ESRRG: variants seen among roughly 807,000 people sequenced by gnomAD.
ESRRG encodes estrogen-related receptor gamma.
ESRRG carries 13 observed loss-of-function variants against 44.0 expected under a neutral mutation model. The ratio of observed to expected loss-of-function variants is 0.30; its 90% CI spans 0.19 to 0.47. The LOEUF is 0.47. ESRRG is among the 20% of genes least tolerant of loss of function. The pLI is 1.00. For synonymous variants in ESRRG, 215 were observed against 214.6 expected (o/e 1.00, Z -0.02); for missense variants, 395 against 580.6 (o/e 0.68, Z 3.29).
chr1:216,943,570 A>C (rs1578459406), intron 1 of ESRRG, among the ~76,000 whole-genome samples: 1 of 152,328 alleles, frequency 6.6e-6, no homozygotes, highest in African/African-American at 2.4e-5. Context: ...TTTGAATTCC[A>C]AAACCTTAGG....
intron 5 of ESRRG, among the ~76,000 whole-genome samples, chr1:216,541,596 GTGTGTGTGTGT>G (rs1558372906): frequency 1.1e-3 from 155 of 143,188 alleles, no homozygotes; most frequent in African/African-American, 3.9e-3. Context: ...GTGTGTGTGT[GTGTGTGTGTGT>G]ATGTGATCAG....
chr1:216,690,587 CTTG>C (rs961767375), intron 1 of ESRRG, among the ~76,000 whole-genome samples: 10 of 152,138 alleles, frequency 6.6e-5, no homozygotes, highest in African/African-American at 2.4e-4. Context: ...GAAAATATGT[CTTG>C]TTGTAAACTG....
chr1:216,947,291 G>C (rs749819763), intron 1 of ESRRG, among the ~76,000 whole-genome samples: 1 of 151,916 alleles, frequency 6.6e-6, no homozygotes, highest in Non-Finnish European at 1.5e-5. Context: ...AGGCCAGATG[G>C]GTACCCTTGA....
chr1:217,056,450 A>G (rs6682798), intron 1 of ESRRG, among the ~76,000 whole-genome samples: 9,686 of 152,042 alleles, frequency 0.064, 347 homozygotes, highest in African/African-American at 0.089. Context: ...CAAATGCAAA[A>G]GTATGCAAGA....
At chr1:216,616,582 G>C (rs1342223707) in intron 3 of ESRRG, among the ~76,000 whole-genome samples, 1 of 152,152 alleles carries the variant, frequency 6.6e-6, no homozygotes, top group African/African-American at 2.4e-5. Context: ...TTGCCAACTG[G>C]CTGCATTTGT....
chr1:216,680,694 C>T (rs1280674651), intron 1 of ESRRG, among the ~76,000 whole-genome samples: 2 of 152,168 alleles, frequency 1.3e-5, no homozygotes, highest in African/African-American at 4.8e-5. Flanking sequence ...TGAACACTTC[C>T]TAGACACTAT....
At chr1:216,642,474 A>G (rs942073095) in intron 3 of ESRRG, among the ~76,000 whole-genome samples, 4 of 152,136 alleles carry the variant, frequency 2.6e-5, no homozygotes, top group South Asian at 4.1e-4. Flanking sequence ...CCTTAAGTAC[A>G]TTCCCAAATG....
intron 5 of ESRRG, among the ~76,000 whole-genome samples, chr1:216,554,420 C>T (rs1316018837): frequency 1.3e-5 from 2 of 151,108 alleles, no homozygotes; most frequent in African/African-American, 4.9e-5. Context: ...TGCCACTGCA[C>T]TCCAGCCTGG....
At chr1:216,548,797 C>G (rs1019707209) in intron 5 of ESRRG, among the ~76,000 whole-genome samples, 10 of 152,096 alleles carry the variant, frequency 6.6e-5, no homozygotes, top group African/African-American at 2.2e-4. Flanking sequence ...GTGCCCCCAT[C>G]TACCCTACTT....
intron 2 of ESRRG, among the ~76,000 whole-genome samples, chr1:216,753,426 C>T (rs949516145): frequency 1.3e-5 from 2 of 151,938 alleles, no homozygotes; most frequent in African/African-American, 4.8e-5. Context: ...CAAGAGAAAA[C>T]CATCAAAGGG....
At chr1:216,774,137 T>C (rs891343331) in intron 2 of ESRRG, among the ~76,000 whole-genome samples, 13 of 152,222 alleles carry the variant, frequency 8.5e-5, no homozygotes, top group Admixed American at 8.5e-4. Context: ...GACTTCTTGA[T>C]ATCAAGACCA....
chr1:216,514,943 G>A (rs1190296386), intron 6 of ESRRG, among the ~76,000 whole-genome samples: 1 of 145,428 alleles, frequency 6.9e-6, no homozygotes, highest in Non-Finnish European at 1.5e-5. Flanking sequence ...ACTGGCTAAG[G>A]CCCAGTTTTA....
At chr1:217,124,597 T>A (rs573435131) in intron 1 of ESRRG, among the ~76,000 whole-genome samples, 2 of 152,282 alleles carry the variant, frequency 1.3e-5, no homozygotes, top group East Asian at 3.9e-4. Context: ...ACTATTTAAA[T>A]CCATCCATCA....
intron 1 of ESRRG, among the ~76,000 whole-genome samples, chr1:216,950,788 G>GTTGTA (rs2066828519): frequency 6.6e-6 from 1 of 152,090 alleles, no homozygotes; most frequent in Admixed American, 6.6e-5. Flanking sequence ...CGTATTCTTA[G>GTTGTA]TTGTATCCCT....
At chr1:216,716,758 G>A (rs544871962) in intron 1 of ESRRG, among the ~76,000 whole-genome samples, 172 of 151,864 alleles carry the variant, frequency 1.1e-3, no homozygotes, top group African/African-American at 4.0e-3. Flanking sequence ...AATTTAATAG[G>A]TATTTAAAAT....
chr1:216,732,901 A>G (rs903440818), intron 2 of ESRRG, among the ~76,000 whole-genome samples: 5 of 151,624 alleles, frequency 3.3e-5, no homozygotes, highest in African/African-American at 4.8e-5. Flanking sequence ...CTTCTCTGTC[A>G]GGAATTTTAC....
chr1:217,018,697 C>G (rs11572435), intron 1 of ESRRG, among the ~76,000 whole-genome samples: 2 of 152,010 alleles, frequency 1.3e-5, no homozygotes, highest in Non-Finnish European at 2.9e-5. Context: ...GACTGTCCTT[C>G]CCCAATTAGG....
intron 1 of ESRRG, among the ~76,000 whole-genome samples, chr1:217,136,641 C>G (rs1276713462): frequency 2.0e-5 from 3 of 152,218 alleles, no homozygotes; most frequent in Non-Finnish European, 2.9e-5. Flanking sequence ...ATGGGATCTA[C>G]TTGACTGAGA....
At chr1:216,696,441 C>A (rs1019039165) in intron 1 of ESRRG, among the ~76,000 whole-genome samples, 8 of 151,994 alleles carry the variant, frequency 5.3e-5, no homozygotes, top group Non-Finnish European at 1.5e-5. Flanking sequence ...CCATGATGTA[C>A]CTGTCTTGAC....
Sources: allele counts gnomAD v4.1 joint callset (sites outside exome capture counted in the v4.1 genomes callset), GRCh38; gene constraint gnomAD v4.1.1; transcripts MANE v1.5; gene names NCBI Gene and HGNC (gene_info 2026-07-23, HGNC 2026-07-21).